The following GDPD5 variants were observed in gnomAD, a reference collection of about 807,000 sequenced individuals.
GDPD5 encodes glycerophosphodiester phosphodiesterase domain containing 5.
Under a neutral mutation model 75.1 loss-of-function variants are expected in GDPD5, and 48 were observed. The ratio of observed to expected loss-of-function variants is 0.64; its 90% confidence interval spans 0.51 to 0.81. The LOEUF (loss-of-function observed/expected upper bound fraction) is 0.81. Ranked by LOEUF, GDPD5 falls within the 40% of genes least tolerant of loss-of-function variation. The probability of loss-of-function intolerance (pLI) is 0.00; values close to 1 mark genes in which losing one functional copy is unlikely to be tolerated. For synonymous variants in GDPD5, 336 were observed against 339.0 expected, an observed-to-expected ratio of 0.99 and a Z score of 0.10; for missense variants, 706 against 822.6, an observed-to-expected ratio of 0.86 and a Z score of 1.73.
intron 1 of GDPD5, chr11:75,515,937 T>A (rs1317067329): frequency 6.6e-6 from 1 of 152,178 alleles, no homozygotes; most frequent in African/African-American, 2.4e-5. Flanking sequence ...AGCCCCTTCA[T>A]TAAGGGGTAT....
chr11:75,454,385 A>C (rs1191211998), intron 6 of GDPD5, among the ~76,000 whole-genome samples: 1 of 152,248 alleles, frequency 6.6e-6, no homozygotes, highest in Non-Finnish European at 1.5e-5. Flanking sequence ...GTTTTTATAG[A>C]ACAACTATCC....
intron 13 of GDPD5, 93 bp downstream of exon 13, chr11:75,441,550 GTGT>G: frequency 2.5e-6 from 3 of 1,179,042 alleles, no homozygotes; most frequent in Non-Finnish European, 3.5e-6. Context: ...GACCGTGTGT[GTGT>G]GTGTGTGTGT....
intron 1 of GDPD5, among the ~76,000 whole-genome samples, chr11:75,522,103 C>G (rs1455315371): frequency 1.3e-5 from 2 of 152,082 alleles, no homozygotes; most frequent in African/African-American, 4.8e-5. Context: ...CTCGGCTTAC[C>G]ACGCTATCCC....
At position 75,449,937 on chromosome 11, in the gene GDPD5, G is replaced by A. The variant is rs778319259; in HGVS notation, c.422C>T (p.Ala141Val). 1.2e-6 allele frequency: 2 copies of A among 1,613,648 alleles called. No individual in the cohort carries two copies. Among genetic ancestry groups the A allele is most frequent in the Admixed American group, 1.7e-5 (1 of 60,006 alleles). ...CTCGTCCTCCCACAGCTGGGCCACG[G>A]CCGACATGGCCACCACCGTGGAAGC... is the stretch of plus-strand genomic sequence containing the variant. ...ILASTVVAMS[A>V]VAQLWEDEWE... The change falls in exon 7 of 17, where the codon GCC becomes GTC. Residue 141 changes from alanine to valine, a missense_variant. Transcript: ENST00000336898.
intron 9 of GDPD5, among the ~76,000 whole-genome samples, chr11:75,445,701 C>T (rs1420532838): frequency 1.3e-5 from 2 of 152,178 alleles, no homozygotes; most frequent in Non-Finnish European, 2.9e-5. Context: ...CCTCTGGCCA[C>T]GATGTTCCCC....
chr11:75,476,171 A>T (rs1160840246), intron 3 of GDPD5, among the ~76,000 whole-genome samples: 1 of 152,208 alleles, frequency 6.6e-6, no homozygotes, highest in East Asian at 1.9e-4. Context: ...GTCCAGATCC[A>T]GAACAAAGTG....
intron 1 of GDPD5, among the ~76,000 whole-genome samples, chr11:75,504,279 G>A (rs1056851965): frequency 6.6e-6 from 1 of 152,202 alleles, no homozygotes; most frequent in Non-Finnish European, 1.5e-5. Context: ...TCTACTCCTT[G>A]CAGCAATCCC....
intron 1 of GDPD5, chr11:75,515,947 T>C (rs955615074): frequency 6.6e-6 from 1 of 152,230 alleles, no homozygotes; most frequent in Non-Finnish European, 1.5e-5. Flanking sequence ...TTAAGGGGTA[T>C]GGTAAAAACA....
chr11:75,441,446 A>G, intron 13 of GDPD5, 136 bp from the exon 14 acceptor site: 1 of 1,265,054 alleles, frequency 7.9e-7, no homozygotes. Context: ...CAGAGGGCCA[A>G]GCTCCGGGAC....
At chr11:75,450,190 G>A (rs1248585109) in intron 6 of GDPD5, among the ~76,000 whole-genome samples, 1 of 152,184 alleles carries the variant, frequency 6.6e-6, no homozygotes, top group Non-Finnish European at 1.5e-5. Flanking sequence ...GAGGCAGGAG[G>A]AGGCAGCAGG....
chr11:75,497,826 C>T (rs1950238546), intron 1 of GDPD5, among the ~76,000 whole-genome samples: 1 of 152,168 alleles, frequency 6.6e-6, no homozygotes, highest in African/African-American at 2.4e-5. Context: ...ACTTAACCGG[C>T]CATGGGGCTG....
intron 2 of GDPD5, among the ~76,000 whole-genome samples, chr11:75,482,894 C>T (rs112658971): frequency 1.3e-5 from 2 of 152,330 alleles, no homozygotes; most frequent in African/African-American, 4.8e-5. Flanking sequence ...AACCCCATGT[C>T]CCCAGGGAGC....
intron 1 of GDPD5, among the ~76,000 whole-genome samples, chr11:75,497,492 G>A (rs1950232354): frequency 6.6e-6 from 1 of 152,018 alleles, no homozygotes. Flanking sequence ...GACAGTGAGG[G>A]GGCTCTGGAA....
At chr11:75,440,781 C>T (rs1008682338) in intron 14 of GDPD5, among the ~76,000 whole-genome samples, 33 of 151,972 alleles carry the variant, frequency 2.2e-4, no homozygotes, top group African/African-American at 7.7e-4. Flanking sequence ...TAGTCTTGTA[C>T]CCCTGGGCTC....
At chr11:75,512,281 GACACACACACACACAC>G (rs145862089) in intron 1 of GDPD5, among the ~76,000 whole-genome samples, 1 of 123,100 alleles carries the variant, frequency 8.1e-6, no homozygotes, top group Non-Finnish European at 1.7e-5. Context: ...AATTGGGAAG[GACACACACACACACAC>G]ACACACACAC....
intron 14 of GDPD5, among the ~76,000 whole-genome samples, chr11:75,440,162 T>C (rs1193458765): frequency 6.6e-6 from 1 of 152,130 alleles, no homozygotes; most frequent in African/African-American, 2.4e-5. Context: ...GGGGCGTGTG[T>C]GTGCACACGT....
At chr11:75,441,512 A>T in intron 13 of GDPD5, 134 bp downstream of exon 13, 3 of 1,138,448 alleles carry the variant, frequency 2.6e-6, no homozygotes, top group Non-Finnish European at 3.7e-6. Context: ...TGTGTGCCTG[A>T]TTCCTCTGTG....
At chr11:75,466,085 C>A (rs920057862) in intron 3 of GDPD5, among the ~76,000 whole-genome samples, 2 of 152,230 alleles carry the variant, frequency 1.3e-5, no homozygotes, top group African/African-American at 4.8e-5. Flanking sequence ...TGGGAACCAG[C>A]CAAGACCAGA....
chr11:75,436,863 A>T, intron 16 of GDPD5, 73 bp downstream of exon 16: 1 of 1,109,828 alleles, frequency 9.0e-7, no homozygotes, highest in Non-Finnish European at 1.4e-6. Context: ...GTGTGCATAC[A>T]CATCTGTTTG....
Sources: allele counts gnomAD v4.1 joint callset (sites outside exome capture counted in the v4.1 genomes callset), GRCh38; gene constraint gnomAD v4.1.1; transcripts MANE v1.5; gene names NCBI Gene and HGNC (gene_info 2026-07-23, HGNC 2026-07-21).